Variants in ZNF827 observed in about 807,000 individuals in gnomAD.
The protein encoded by ZNF827 is zinc finger protein 827.
A neutral mutation model predicts 102.4 loss-of-function variants in ZNF827; 13 were observed. The observed-to-expected ratio is 0.13, with a 90% CI of 0.08 to 0.20. The LOEUF (loss-of-function observed/expected upper bound fraction) is 0.20, where lower values mean the gene tolerates loss of function less well. Among genes scored for constraint, ZNF827 ranks in the 10% least tolerant of loss-of-function variants. The pLI is 1.00. For synonymous variants in ZNF827, 523 were observed against 536.2 expected (o/e 0.98, Z 0.34); for missense variants, 1,103 against 1,344.4 (o/e 0.82, Z 2.81).
intron 3 of ZNF827, among the ~76,000 whole-genome samples, chr4:145,890,792 G>A (rs1051015272): frequency 3.9e-5 from 6 of 152,130 alleles, no homozygotes; most frequent in East Asian, 1.9e-4. Context: ...AAACTAAGTC[G>A]GCTGAGTAAA....
intron 1 of ZNF827, among the ~76,000 whole-genome samples, chr4:145,915,202 C>T (rs1752582370): frequency 6.6e-6 from 1 of 152,142 alleles, no homozygotes; most frequent in Non-Finnish European, 1.5e-5. Flanking sequence ...AATCTCAGCC[C>T]TTTGGGAGGC....
chr4:145,904,886 C>G (rs1201089161), intron 1 of ZNF827, among the ~76,000 whole-genome samples: 2 of 152,152 alleles, frequency 1.3e-5, no homozygotes, highest in Non-Finnish European at 2.9e-5. Flanking sequence ...GTTGTCAAAG[C>G]ATTGTTCTGG....
At position 145,765,170 on chromosome 4, in the gene ZNF827, A is replaced by G; in HGVS notation, c.3053-5T>C. 6.3e-7 allele frequency: 1 copy of G among 1,598,422 alleles called. No homozygotes were observed. Among genetic ancestry groups the G allele is most frequent in the Non-Finnish European group, 8.5e-7 (1 of 1,172,012 alleles). ...TGCAAAAAACACATTCGAACCCTGC[A>G]AGGACCGAAGCTGGGTATAGAGGTG... On this transcript the variant is annotated splice_region_variant and splice_polypyrimidine_tract_variant and intron_variant, in intron 12 of 14. Coordinates refer to ENST00000508784, the MANE Select transcript of ZNF827 (RefSeq NM_001306215.2). This position sits in a 1 kb window ranked among gnomAD's most constrained non-coding sequence, Gnocchi z 4.7.
intron 7 of ZNF827, among the ~76,000 whole-genome samples, chr4:145,826,804 T>C (rs895084787): frequency 1.3e-5 from 2 of 152,016 alleles, no homozygotes; most frequent in African/African-American, 2.4e-5. Context: ...TGGAGTGCAA[T>C]GGCGCAATCT....
intron 4 of ZNF827, among the ~76,000 whole-genome samples, chr4:145,874,806 T>C (rs778739992): frequency 1.1e-4 from 17 of 152,346 alleles, no homozygotes; most frequent in Non-Finnish European, 2.2e-4. Context: ...TTTGATGTGA[T>C]GAGAAAGCCC....
At chr4:145,863,946 C>A (rs1169146010) in intron 5 of ZNF827, among the ~76,000 whole-genome samples, 1 of 152,038 alleles carries the variant, frequency 6.6e-6, no homozygotes, top group African/African-American at 2.4e-5. Context: ...GTAATCCTAG[C>A]ACTTTGGGAG....
At chr4:145,859,558 T>C (rs1481357166) in intron 5 of ZNF827, among the ~76,000 whole-genome samples, 2 of 152,190 alleles carry the variant, frequency 1.3e-5, no homozygotes, top group Non-Finnish European at 2.9e-5. Flanking sequence ...TTTCTGGAGA[T>C]ACAGAGTGCA....
chr4:145,891,407 C>T (rs1184237341), intron 3 of ZNF827, among the ~76,000 whole-genome samples: 3 of 152,220 alleles, frequency 2.0e-5, no homozygotes, highest in African/African-American at 7.2e-5. Flanking sequence ...CTCTTTTGAT[C>T]CCATGAGTTT....
chr4:145,884,951 G>C (rs1749984716), intron 4 of ZNF827, among the ~76,000 whole-genome samples: 1 of 152,040 alleles, frequency 6.6e-6, no homozygotes, highest in Non-Finnish European at 1.5e-5. Flanking sequence ...AGGGCCTGTG[G>C]GGGAAGAGGT....
chr4:145,816,574 A>G (rs960955536), intron 8 of ZNF827, among the ~76,000 whole-genome samples: 5 of 152,226 alleles, frequency 3.3e-5, no homozygotes, highest in African/African-American at 1.2e-4. Flanking sequence ...ACTAGTTTCT[A>G]ATAGAGTCAA....
rs1751746530 is a variant in ZNF827 at position 145,905,189 on chromosome 4, G to T, written c.44-1974C>A. On this transcript the variant is annotated intron_variant, in intron 1 of 14. Transcript: ENST00000508784. ...TATTCCACACTGTGCCTAGCACAAT[G>T]TCTGGTCCCTAGCAGAGTTCAATGT... 2.0e-5 allele frequency among the ~76,000 whole-genome samples: 3 copies of T among 152,202 alleles called. No homozygotes were observed. The South Asian group carries it at 6.2e-4, about 32-fold the overall frequency.
chr4:145,860,032 C>G (rs1200526019), intron 5 of ZNF827, among the ~76,000 whole-genome samples: 1 of 152,212 alleles, frequency 6.6e-6, no homozygotes, highest in Non-Finnish European at 1.5e-5. Flanking sequence ...TACTCCCCAG[C>G]TTTCTTCTTT....
intron 8 of ZNF827, among the ~76,000 whole-genome samples, chr4:145,808,720 T>C (rs1306802216): frequency 6.6e-6 from 1 of 152,246 alleles, no homozygotes; most frequent in Admixed American, 6.5e-5. Flanking sequence ...AACATTTTCA[T>C]TGAAAATATC....
At chr4:145,901,366 T>C (rs1471742641) in intron 2 of ZNF827, among the ~76,000 whole-genome samples, 4 of 152,220 alleles carry the variant, frequency 2.6e-5, no homozygotes, top group Non-Finnish European at 4.4e-5. Flanking sequence ...GTGTTTCCAC[T>C]GTGAGAATTC....
chr4:145,868,255 C>A (rs1748377514), intron 5 of ZNF827, among the ~76,000 whole-genome samples: 1 of 152,194 alleles, frequency 6.6e-6, no homozygotes, highest in Admixed American at 6.5e-5. Context: ...GATTCCACTG[C>A]CCTGGATTAC....
intron 6 of ZNF827, among the ~76,000 whole-genome samples, chr4:145,846,976 A>G (rs183417412): frequency 1.4e-5 from 2 of 147,500 alleles, no homozygotes; most frequent in African/African-American, 5.0e-5. Context: ...CAACATGGTG[A>G]AAACCCGTCT....
intron 8 of ZNF827, among the ~76,000 whole-genome samples, chr4:145,809,808 C>T (rs1410046873): frequency 6.6e-6 from 1 of 152,142 alleles, no homozygotes; most frequent in East Asian, 1.9e-4. Flanking sequence ...TCCAACCAAT[C>T]AGCAGCACCC....
intron 1 of ZNF827, among the ~76,000 whole-genome samples, chr4:145,927,714 C>T (rs1405630801): frequency 1.3e-5 from 2 of 152,168 alleles, no homozygotes; most frequent in African/African-American, 4.8e-5. Flanking sequence ...AATGGTCCAG[C>T]CCTTGGTAGT....
chr4:145,847,482 G>C (rs189858768), intron 6 of ZNF827, among the ~76,000 whole-genome samples: 2 of 152,196 alleles, frequency 1.3e-5, no homozygotes, highest in African/African-American at 4.8e-5. Context: ...AGACCTCTTC[G>C]TGCTGCAGTC....
Sources: gnomAD v4.1 joint callset for allele counts (sites outside exome capture counted in the v4.1 genomes callset) on GRCh38, gnomAD v4.1.1 for gene constraint, Gnocchi (gnomAD v3.1) non-coding constraint, MANE v1.5 for transcripts, NCBI Gene and HGNC (gene_info 2026-07-23, HGNC 2026-07-21) for gene names.